NPAS3: variants seen among roughly 807,000 people sequenced by gnomAD.
NPAS3 encodes the protein neuronal PAS domain-containing protein 3.
A neutral mutation model predicts 73.1 loss-of-function variants in NPAS3; 14 were observed. The observed-to-expected ratio is 0.19, with a 90% confidence interval of 0.13 to 0.30. NPAS3 has a LOEUF of 0.30. Ranked by LOEUF, NPAS3 falls within the 10% of genes least tolerant of loss-of-function variation. The pLI is 1.00. For synonymous variants in NPAS3, 620 were observed against 541.5 expected (o/e 1.14, Z -2.01); for missense variants, 1,096 against 1,250.0 (o/e 0.88, Z 1.86).
At chr14:33,666,503 C>G (rs2059453980) in intron 5 of NPAS3, among the ~76,000 whole-genome samples, 1 of 152,214 alleles carries the variant, frequency 6.6e-6, no homozygotes, top group Non-Finnish European at 1.5e-5. Flanking sequence ...ATGTTGGCCC[C>G]TACCCCAGAT....
At chr14:33,699,968 T>C (rs2060484352) in intron 6 of NPAS3, among the ~76,000 whole-genome samples, 1 of 152,108 alleles carries the variant, frequency 6.6e-6, no homozygotes, top group Admixed American at 6.5e-5. Context: ...CCTATCCAAG[T>C]GGAGAAGGGA....
intron 4 of NPAS3, among the ~76,000 whole-genome samples, chr14:33,541,307 A>T (rs1003182259): frequency 2.0e-5 from 3 of 152,100 alleles, no homozygotes; most frequent in Non-Finnish European, 4.4e-5. Context: ...TGGGTTTGTC[A>T]CTTCTAAAAT....
chr14:33,516,970 A>C, intron 4 of NPAS3, among the ~76,000 whole-genome samples: 1 of 152,188 alleles, frequency 6.6e-6, no homozygotes, highest in East Asian at 1.9e-4. Flanking sequence ...GTCTCCCAGC[A>C]TGGGATTAGT....
chr14:33,581,716 T>G (rs2139882802), intron 5 of NPAS3, among the ~76,000 whole-genome samples: 2 of 152,204 alleles, frequency 1.3e-5, no homozygotes, highest in East Asian at 3.9e-4. Flanking sequence ...GGACTATAGG[T>G]GTCTGCCACC....
In NPAS3 at chr14:33,028,250, A is replaced by C. The variant is rs184679420; in HGVS notation, c.51-27655A>C. On this transcript the variant is annotated intron_variant, in intron 1 of 11. Transcript: ENST00000356141. ...TTTAAAAATAACATGTGGATTTGAAAAAACATTGAGATCTTTTCTGTATTT... is the reference window on the plus strand; with the variant it reads ...TTTAAAAATAACATGTGGATTTGAACAAACATTGAGATCTTTTCTGTATTT... 5.3e-5 allele frequency among the ~76,000 whole-genome samples: 8 copies of C among 152,318 alleles called. No homozygotes were observed. In the East Asian group the frequency reaches 1.5e-3, roughly 29 times the overall value.
intron 5 of NPAS3, among the ~76,000 whole-genome samples, chr14:33,564,603 T>G (rs2139779601): frequency 6.6e-6 from 1 of 152,334 alleles, no homozygotes; most frequent in Middle Eastern, 3.4e-3. Context: ...CTGGCTTTCC[T>G]TCACCCATAC....
At chr14:33,114,962 G>A (rs1351559571) in intron 2 of NPAS3, among the ~76,000 whole-genome samples, 1 of 152,276 alleles carries the variant, frequency 6.6e-6, no homozygotes, top group South Asian at 2.1e-4. Flanking sequence ...AACTTCAGAC[G>A]ATGGGAGAAG....
intron 3 of NPAS3, among the ~76,000 whole-genome samples, chr14:33,329,421 G>T (rs2043876486): frequency 6.6e-6 from 1 of 152,164 alleles, no homozygotes. Flanking sequence ...TGACTGGGTG[G>T]CAGTGAAAGC....
Position 33,115,775 on chromosome 14 carries a change from A to G in NPAS3, c.140+59781A>G, listed in dbSNP as rs1404499259. Among the ~76,000 whole-genome samples, 3 of 152,288 alleles carry G rather than the reference A, an allele frequency of 2.0e-5. No homozygotes were observed. In the East Asian group the frequency reaches 5.8e-4, roughly 29 times the overall value. On this transcript the variant is annotated intron_variant, in intron 2 of 11. Coordinates refer to ENST00000356141, the Ensembl canonical transcript of NPAS3. ...GATAGAGACTTTGGTTTCCATGTACAGTGGTTTATAAGAAAAACACATGTG... is the reference window on the plus strand; with the variant it reads ...GATAGAGACTTTGGTTTCCATGTACGGTGGTTTATAAGAAAAACACATGTG...
At chr14:33,122,373 T>G (rs2043262365) in intron 2 of NPAS3, among the ~76,000 whole-genome samples, 1 of 152,166 alleles carries the variant, frequency 6.6e-6, no homozygotes, top group Admixed American at 6.5e-5. Context: ...TTAGATGGAC[T>G]TATCAAATCT....
intron 6 of NPAS3, among the ~76,000 whole-genome samples, chr14:33,722,445 G>A (rs919856753): frequency 3.3e-5 from 5 of 152,110 alleles, no homozygotes; most frequent in Non-Finnish European, 7.4e-5. Context: ...CTCCACTTGG[G>A]AAGATTATTC....
intron 3 of NPAS3, among the ~76,000 whole-genome samples, chr14:33,251,329 A>C (rs988143223): frequency 2.0e-5 from 3 of 152,060 alleles, no homozygotes; most frequent in Non-Finnish European, 2.9e-5. Context: ...AATTAATGCT[A>C]TGTATTTGCA....
chr14:33,446,034 C>T (rs1202793093), intron 4 of NPAS3, among the ~76,000 whole-genome samples: 1 of 150,402 alleles, frequency 6.6e-6, no homozygotes, highest in African/African-American at 2.5e-5. Flanking sequence ...TTATCTTTTT[C>T]CTCAATGATA....
At chr14:33,018,022 GAAAAAACAGC>G (rs2138234620) in intron 1 of NPAS3, among the ~76,000 whole-genome samples, 1 of 150,066 alleles carries the variant, frequency 6.7e-6, no homozygotes, top group African/African-American at 2.5e-5. Flanking sequence ...ATTAGAAACA[GAAAAAACAGC>G]AAACAAAAAA....
chr14:33,199,861 T>C (rs924502159), intron 2 of NPAS3, among the ~76,000 whole-genome samples: 13 of 152,076 alleles, frequency 8.5e-5, no homozygotes, highest in Non-Finnish European at 1.5e-5. Flanking sequence ...TTTAAGGACA[T>C]TCAGATCAGC....
chr14:32,940,028 C>T (rs958635374), intron 1 of NPAS3, among the ~76,000 whole-genome samples: 3 of 152,208 alleles, frequency 2.0e-5, no homozygotes, highest in African/African-American at 7.2e-5. Context: ...CTCTGCCCTC[C>T]GCTCTCATCT....
chr14:33,022,059 C>T (rs1001386592), intron 1 of NPAS3, among the ~76,000 whole-genome samples: 34 of 152,162 alleles, frequency 2.2e-4, no homozygotes, highest in Non-Finnish European at 4.7e-4. Context: ...CTGTACTTTT[C>T]CCACCTTATT....
chr14:33,800,401 C>CGGTGGG lies in NPAS3; in HGVS notation c.2100_2105dup (p.Gly705_Gly706dup), dbSNP rs763773790. 1.9e-6 allele frequency: 3 copies of CGGTGGG among 1,571,248 alleles called. No individual in the cohort carries two copies. Among genetic ancestry groups the CGGTGGG allele is most frequent in the Admixed American group, 1.7e-5 (1 of 57,850 alleles). On this transcript the variant is annotated inframe_insertion, in exon 12 of 12. Coordinates refer to ENST00000356141, the Ensembl canonical transcript of NPAS3. The surrounding 1 kb of genome is among the most constrained non-coding windows in gnomAD (Gnocchi z 6.5). ...ACTTCCCGTCCCCGCAGGGCGGCGGCGGTGGGGGTGGCGGTGGCGGGGGGC... is the reference window on the plus strand; with the variant it reads ...ACTTCCCGTCCCCGCAGGGCGGCGGCGGTGGGGGTGGGGGTGGCGGTGGCGGGGGGC...
chr14:33,668,514 T>C (rs2059520153), intron 5 of NPAS3, among the ~76,000 whole-genome samples: 1 of 152,170 alleles, frequency 6.6e-6, no homozygotes. Flanking sequence ...CCAGTTACCT[T>C]TCTTTAAAAT....
Sources: allele counts gnomAD v4.1 joint callset (sites outside exome capture counted in the v4.1 genomes callset), GRCh38; gene constraint gnomAD v4.1.1; non-coding constraint Gnocchi (gnomAD v3.1); transcripts MANE v1.5; gene names NCBI Gene and HGNC (gene_info 2026-07-23, HGNC 2026-07-21).